RORA: variants seen among roughly 807,000 people sequenced by gnomAD.
The protein encoded by RORA is nuclear receptor ROR-alpha.
In RORA, 7 loss-of-function variants were observed where a neutral mutation model predicts 69.5. That is an observed-to-expected ratio of 0.10 (90% confidence interval 0.06 to 0.19). The LOEUF (loss-of-function observed/expected upper bound fraction) is 0.19, where lower values mean the gene tolerates loss of function less well. RORA is among the 10% of genes least tolerant of loss of function. RORA has a pLI of 1.00. For synonymous variants in RORA, 261 were observed against 240.8 expected, an observed-to-expected ratio of 1.08 and a Z score of -0.78; for missense variants, 457 against 663.0, an observed-to-expected ratio of 0.69 and a Z score of 3.41.
chr15:60,765,383 C>T (rs969075555), intron 1 of RORA: 1 of 152,016 alleles, frequency 6.6e-6, no homozygotes, highest in African/African-American at 2.4e-5. Context: ...CAAAACAATC[C>T]TACCTAATTC....
At chr15:61,042,071 T>C (rs146896530) in intron 1 of RORA, among the ~76,000 whole-genome samples, 54 of 152,260 alleles carry the variant, frequency 3.5e-4, no homozygotes, top group African/African-American at 1.2e-3. Flanking sequence ...TTCTCTACAA[T>C]AGCGTCTAGG....
intron 1 of RORA, among the ~76,000 whole-genome samples, chr15:61,023,876 C>G (rs1895665010): frequency 1.3e-5 from 2 of 152,140 alleles, no homozygotes; most frequent in Admixed American, 1.3e-4. Flanking sequence ...CCCACTAACT[C>G]AAGAATAAGC....
At chr15:61,180,289 A>C (rs1235828895) in intron 1 of RORA, among the ~76,000 whole-genome samples, 1 of 152,148 alleles carries the variant, frequency 6.6e-6, no homozygotes, top group Non-Finnish European at 1.5e-5. Flanking sequence ...CAATGGCTTC[A>C]TTTATCCATC....
chr15:60,692,958 G>C (rs530272186), intron 1 of RORA, among the ~76,000 whole-genome samples: 1 of 152,184 alleles, frequency 6.6e-6, no homozygotes, highest in African/African-American at 2.4e-5. Context: ...TATGAGGCCA[G>C]CATCATCCTG....
At chr15:61,059,301 C>T (rs560979984) in intron 1 of RORA, among the ~76,000 whole-genome samples, 137 of 152,348 alleles carry the variant, frequency 9.0e-4, no homozygotes, top group Middle Eastern at 3.4e-3. Flanking sequence ...AGATCCTTGC[C>T]TACTGAGAGA....
At chr15:60,593,179 T>C (rs1348756720) in intron 2 of RORA, 1 of 287,810 alleles carries the variant, frequency 3.5e-6, no homozygotes, top group African/African-American at 2.3e-5. Flanking sequence ...AACCCTTGGA[T>C]ATTGGCAGTT....
Position 61,229,255 on chromosome 15 carries a change from G to C in RORA, c.-37C>G. On this transcript the variant is annotated 5_prime_UTR_variant, in exon 1 of 11. Coordinates refer to ENST00000335670, the MANE Select transcript of RORA (RefSeq NM_134261.3). ...ATGTAGAGATCGCTGGAGATGGCGA[G>C]CTCCGAGACTCCCTCTATCTTCTGT... 3.3e-6 allele frequency: 4 copies of C among 1,195,392 alleles called. No individual in the cohort carries two copies. The highest frequency in any genetic ancestry group is 4.2e-6 in the Non-Finnish European group (4 of 948,310). 74.0% of individuals were successfully genotyped at this position (1,195,392 alleles called of 1,614,324 possible).
chr15:61,094,941 G>A (rs1033779826), intron 1 of RORA, among the ~76,000 whole-genome samples: 2 of 152,248 alleles, frequency 1.3e-5, no homozygotes, highest in African/African-American at 4.8e-5. Flanking sequence ...AAAAGGGGAA[G>A]AGGATTCCAG....
At chr15:61,035,636 G>A (rs557001567) in intron 1 of RORA, among the ~76,000 whole-genome samples, 6 of 152,214 alleles carry the variant, frequency 3.9e-5, no homozygotes, top group South Asian at 2.1e-4. Flanking sequence ...GGAGGGCCCC[G>A]GCAGGTAAGC....
At chr15:61,092,807 T>A (rs1370571380) in intron 1 of RORA, among the ~76,000 whole-genome samples, 1 of 152,194 alleles carries the variant, frequency 6.6e-6, no homozygotes, top group Non-Finnish European at 1.5e-5. Context: ...AGTCAAAACC[T>A]TGTTCCCCTC....
intron 2 of RORA, among the ~76,000 whole-genome samples, chr15:60,633,117 C>T (rs2069772021): frequency 6.6e-6 from 1 of 152,194 alleles, no homozygotes; most frequent in South Asian, 2.1e-4. Flanking sequence ...GAAACTTCAT[C>T]ACAATCTGGT....
chr15:60,503,113 T>C (rs2065381932), intron 7 of RORA, among the ~76,000 whole-genome samples: 1 of 152,210 alleles, frequency 6.6e-6, no homozygotes, highest in Non-Finnish European at 1.5e-5. Context: ...ATAAATTACT[T>C]CCTTAGCACT....
At chr15:60,740,177 T>C (rs1441899023) in intron 1 of RORA, among the ~76,000 whole-genome samples, 3 of 152,166 alleles carry the variant, frequency 2.0e-5, no homozygotes, top group African/African-American at 7.2e-5. Flanking sequence ...CTCTGAATTC[T>C]TTCTGTCTGT....
chr15:60,619,203 C>A (rs760005076), intron 2 of RORA, among the ~76,000 whole-genome samples: 1 of 152,186 alleles, frequency 6.6e-6, no homozygotes, highest in Non-Finnish European at 1.5e-5. Context: ...GTGCTTTCTT[C>A]GAGTTAAAGC....
At chr15:60,560,541 T>C (rs1484485244) in intron 2 of RORA, among the ~76,000 whole-genome samples, 2 of 151,960 alleles carry the variant, frequency 1.3e-5, no homozygotes, top group Admixed American at 6.6e-5. Context: ...AAAAAAAAAT[T>C]AGCCGAGTGT....
intron 1 of RORA, among the ~76,000 whole-genome samples, chr15:61,150,942 T>C (rs1159512172): frequency 6.6e-6 from 1 of 152,208 alleles, no homozygotes; most frequent in Non-Finnish European, 1.5e-5. Context: ...TCTGCAGAGC[T>C]TTTAAATTAT....
chr15:60,578,180 T>C (rs907395839), intron 2 of RORA, among the ~76,000 whole-genome samples: 1 of 152,214 alleles, frequency 6.6e-6, no homozygotes, highest in Admixed American at 6.5e-5. Context: ...GCACTTTGAG[T>C]GGATCATTTA....
intron 1 of RORA, among the ~76,000 whole-genome samples, chr15:60,778,300 A>AT (rs35668786): frequency 1.2e-3 from 177 of 148,876 alleles, no homozygotes; most frequent in East Asian, 4.1e-3. Flanking sequence ...GGTTATTGTG[A>AT]TTTTTTTTTT....
chr15:60,912,456 C>CA (rs1291856663), intron 1 of RORA, among the ~76,000 whole-genome samples: 2 of 150,970 alleles, frequency 1.3e-5, no homozygotes, highest in African/African-American at 4.9e-5. Context: ...AACAAAAAAA[C>CA]AAAAAAATCA....
Sources: allele counts gnomAD v4.1 joint callset (sites outside exome capture counted in the v4.1 genomes callset), GRCh38; gene constraint gnomAD v4.1.1; transcripts MANE v1.5; gene names NCBI Gene and HGNC (gene_info 2026-07-23, HGNC 2026-07-21).